The following FAF1 variants were observed in gnomAD, a reference collection of about 807,000 sequenced individuals.
FAF1 encodes the protein Fas associated factor 1.
FAF1 carries 25 observed loss-of-function variants against 92.5 expected under a neutral mutation model. The observed-to-expected ratio is 0.27, with a 90% CI of 0.20 to 0.38. The LOEUF (loss-of-function observed/expected upper bound fraction) is 0.38, where lower values mean the gene tolerates loss of function less well. Among genes scored for constraint, FAF1 ranks in the 10% least tolerant of loss-of-function variants. The probability of loss-of-function intolerance (pLI) is 1.00; values close to 1 mark genes in which losing one functional copy is unlikely to be tolerated. For synonymous variants in FAF1, 234 were observed against 273.2 expected, an observed-to-expected ratio of 0.86 and a Z score of 1.42; for missense variants, 636 against 793.3, an observed-to-expected ratio of 0.80 and a Z score of 2.38.
chr1:50,441,287 T>G lies in FAF1; in HGVS notation c.*153A>C. The G allele has an allele frequency of 1.9e-6, 1 of 537,794 alleles. No individual in the cohort carries two copies. The allele number at this position is 537,794 out of a possible 1,614,324, so 33.3% of individuals were successfully genotyped here. On this transcript the variant is annotated 3_prime_UTR_variant, in exon 19 of 19. Transcript: ENST00000396153. ...GGATGGGAAATCTTAAGTAGCTATA[T>G]TTATTATTACTTTTTCCAGCAATTT...
chr1:50,786,007 G>A (rs1489865849), intron 4 of FAF1, among the ~76,000 whole-genome samples: 2 of 151,862 alleles, frequency 1.3e-5, no homozygotes, highest in Non-Finnish European at 2.9e-5. Context: ...GGTGGCACAC[G>A]CCTATAGTCC....
At position 50,541,119 on chromosome 1, in the gene FAF1, A is replaced by T. The variant is rs559390633; in HGVS notation, c.1269-1391T>A. On this transcript the variant is annotated intron_variant, in intron 13 of 18. Coordinates refer to ENST00000396153, the MANE Select transcript of FAF1 (RefSeq NM_007051.3). ...AATTCAAAACAGAATCAAACCTCTTAATTTTTAAAGCCAATACATTTTCTG... is the reference window on the plus strand; with the variant it reads ...AATTCAAAACAGAATCAAACCTCTTTATTTTTAAAGCCAATACATTTTCTG... Among the ~76,000 whole-genome samples the T allele has an allele frequency of 3.7e-3, 562 of 152,292 alleles. 1 individual carries two copies. The highest frequency in any genetic ancestry group is 6.5e-3 in the Non-Finnish European group (441 of 68,008).
At chr1:50,466,226 G>A (rs953902850) in intron 18 of FAF1, among the ~76,000 whole-genome samples, 18 of 152,130 alleles carry the variant, frequency 1.2e-4, no homozygotes, top group Middle Eastern at 3.2e-3. Flanking sequence ...AACAGATTTT[G>A]CTTATGAGTT....
intron 15 of FAF1, among the ~76,000 whole-genome samples, chr1:50,526,255 A>C (rs1479994192): frequency 6.6e-6 from 1 of 151,834 alleles, no homozygotes; most frequent in South Asian, 2.1e-4. Context: ...TGGCCTGCTC[A>C]TGGTGGCATG....
intron 7 of FAF1, among the ~76,000 whole-genome samples, chr1:50,671,969 A>G (rs1447687773): frequency 2.0e-5 from 3 of 148,720 alleles, no homozygotes; most frequent in Admixed American, 6.7e-5. Flanking sequence ...TAATTTTTAC[A>G]TATTTTTTTG....
intron 2 of FAF1, among the ~76,000 whole-genome samples, chr1:50,855,333 GA>G (rs1293758968): frequency 6.6e-6 from 1 of 151,642 alleles, no homozygotes; most frequent in African/African-American, 2.4e-5. Flanking sequence ...TTTTTTATTA[GA>G]TTTTTTTTAA....
chr1:50,783,072 T>C (rs2124565073), intron 4 of FAF1, among the ~76,000 whole-genome samples: 1 of 152,158 alleles, frequency 6.6e-6, no homozygotes, highest in South Asian at 2.1e-4. Context: ...TATAACAGAC[T>C]ACTATGAAAA....
chr1:50,526,126 T>G (rs1647786209), intron 15 of FAF1, among the ~76,000 whole-genome samples: 1 of 152,198 alleles, frequency 6.6e-6, no homozygotes, highest in Non-Finnish European at 1.5e-5. Context: ...ATATCCAGTT[T>G]AATGACTCCT....
At chr1:50,860,596 A>G (rs1644424450) in intron 1 of FAF1, among the ~76,000 whole-genome samples, 1 of 151,834 alleles carries the variant, frequency 6.6e-6, no homozygotes, top group South Asian at 2.1e-4. Context: ...TATATTTTTT[A>G]AAAAACAGAT....
At chr1:50,519,906 T>C (rs1196475755) in intron 15 of FAF1, among the ~76,000 whole-genome samples, 1 of 152,212 alleles carries the variant, frequency 6.6e-6, no homozygotes, top group Admixed American at 6.5e-5. Context: ...ACCCTACATG[T>C]ATCTCCATCA....
intron 7 of FAF1, among the ~76,000 whole-genome samples, chr1:50,660,057 G>A (rs897322535): frequency 6.6e-6 from 1 of 152,054 alleles, no homozygotes; most frequent in African/African-American, 2.4e-5. Flanking sequence ...CACAGCACTG[G>A]GGGAAAGATC....
intron 9 of FAF1, among the ~76,000 whole-genome samples, chr1:50,592,370 C>T (rs1219345779): frequency 6.6e-6 from 1 of 152,120 alleles, no homozygotes; most frequent in Non-Finnish European, 1.5e-5. Context: ...GGCCCCCACA[C>T]TGTCTCACCC....
chr1:50,886,219 T>C (rs1016388973), intron 1 of FAF1, among the ~76,000 whole-genome samples: 3 of 152,218 alleles, frequency 2.0e-5, no homozygotes, highest in Non-Finnish European at 2.9e-5. Flanking sequence ...TTATCATCCT[T>C]TTCTTTCAGA....
At chr1:50,676,542 TG>T (rs1302905328) in intron 7 of FAF1, among the ~76,000 whole-genome samples, 1 of 150,448 alleles carries the variant, frequency 6.6e-6, no homozygotes, top group African/African-American at 2.4e-5. Context: ...TATTCAAGGC[TG>T]GGCACAATGG....
chr1:50,676,011 G>A (rs1656101572), intron 7 of FAF1, among the ~76,000 whole-genome samples: 1 of 152,172 alleles, frequency 6.6e-6, no homozygotes, highest in Non-Finnish European at 1.5e-5. Context: ...CCTATTCTTT[G>A]TGACTTCAAA....
chr1:50,550,061 G>A (rs1046060739), intron 13 of FAF1, among the ~76,000 whole-genome samples: 3 of 151,818 alleles, frequency 2.0e-5, no homozygotes, highest in Non-Finnish European at 4.4e-5. Context: ...TAAAAATGTG[G>A]GAGTGCATGG....
At chr1:50,865,088 T>C (rs1363369781) in intron 1 of FAF1, among the ~76,000 whole-genome samples, 1 of 151,912 alleles carries the variant, frequency 6.6e-6, no homozygotes, top group African/African-American at 2.4e-5. Flanking sequence ...CATGAAAAAA[T>C]CCTCACCATC....
chr1:50,478,021 A>C (rs1646658626), intron 17 of FAF1, among the ~76,000 whole-genome samples: 1 of 152,242 alleles, frequency 6.6e-6, no homozygotes, highest in Non-Finnish European at 1.5e-5. Context: ...TCCTCCTTGC[A>C]CTAACTGTTC....
intron 2 of FAF1, among the ~76,000 whole-genome samples, chr1:50,823,369 G>A (rs1644063790): frequency 1.3e-5 from 2 of 152,054 alleles, no homozygotes; most frequent in Non-Finnish European, 2.9e-5. Flanking sequence ...CCAAACCCTG[G>A]GGAACTAGAA....
Sources: gnomAD v4.1 joint callset for allele counts (sites outside exome capture counted in the v4.1 genomes callset) on GRCh38, gnomAD v4.1.1 for gene constraint, MANE v1.5 for transcripts, NCBI Gene and HGNC (gene_info 2026-07-23, HGNC 2026-07-21) for gene names.